The following CFAP251 variants were observed in gnomAD, a reference collection of about 807,000 sequenced individuals.
The protein encoded by CFAP251 is cilia and flagella associated protein 251.
Under a neutral mutation model 126.7 loss-of-function variants are expected in CFAP251, and 93 were observed. That is an observed-to-expected ratio of 0.73 (90% CI 0.62 to 0.87). The LOEUF (loss-of-function observed/expected upper bound fraction) is 0.87. Among genes scored for constraint, CFAP251 ranks in the 40% least tolerant of loss-of-function variants. The pLI, the probability that CFAP251 is intolerant of heterozygous loss-of-function variation, is 0.00. For synonymous variants in CFAP251, 503 were observed against 506.9 expected (o/e 0.99, Z 0.10); for missense variants, 1,287 against 1,389.2 (o/e 0.93, Z 1.17).
At chr12:121,956,015 C>T (rs185076299) in intron 10 of CFAP251, 129 of 152,262 alleles carry the variant, frequency 8.5e-4, no homozygotes, top group African/African-American at 3.1e-3. Context: ...CTCATTTAAC[C>T]ACTCTGCATA....
At position 121,993,795 on chromosome 12, in the gene CFAP251, T is replaced by TG. The variant is rs571268921; in HGVS notation, c.3007-5914dup. 9.7e-4 allele frequency among the ~76,000 whole-genome samples: 108 copies of TG among 110,970 alleles called. No homozygotes were observed. The East Asian group carries it at 0.025, about 26-fold the overall frequency. The allele number at this position is 110,970 out of a possible 152,430, so 72.8% of individuals were successfully genotyped here. A position where few individuals can be genotyped will look rare whatever the true frequency, so the allele number is the denominator to read the frequency against. On this transcript the variant is annotated intron_variant, in intron 19 of 21. Coordinates refer to ENST00000288912, the MANE Select transcript of CFAP251 (RefSeq NM_144668.6). ...GCCAGCACCCCGTCCGGGAGGGAGG[T>TG]GGGGGGGTCAGCCCCCCGCCCGGCC...
rs551950407 is a variant in CFAP251 at position 121,968,470 on chromosome 12, C to T, written c.2771+301C>T. On this transcript the variant is annotated intron_variant, in intron 17 of 21. Transcript: ENST00000288912. ...CCACACCTGCTAGAAAGATCTAGGC[C>T]GACCCTCCAAAGCATATACTACGGA... Among the ~76,000 whole-genome samples, 6 of 152,222 alleles carry T rather than the reference C, an allele frequency of 3.9e-5. No individual in the cohort carries two copies. The East Asian group carries it at 9.6e-4, about 24-fold the overall frequency.
intron 17 of CFAP251, chr12:121,969,269 G>C (rs967827775): frequency 4.8e-5 from 47 of 985,242 alleles, no homozygotes; most frequent in Non-Finnish European, 5.4e-5. Context: ...TTGGAACCAC[G>C]GTGGTTTGAG....
At chr12:121,948,159 C>T (rs1260231903) in intron 7 of CFAP251, 1 of 152,192 alleles carries the variant, frequency 6.6e-6, no homozygotes, top group African/African-American at 2.4e-5. Flanking sequence ...CTTTCCGTCA[C>T]TTCCATAGTT....
At chr12:121,969,532 C>CG (rs1205830072) in intron 17 of CFAP251, 1 of 970,376 alleles carries the variant, frequency 1.0e-6, no homozygotes, top group African/African-American at 1.8e-5. Flanking sequence ...GTCGCTCAGG[C>CG]TGTAGTACAG....
At chr12:121,928,602 C>T (rs1365863413) in intron 3 of CFAP251, among the ~76,000 whole-genome samples, 1 of 142,452 alleles carries the variant, frequency 7.0e-6, no homozygotes, top group African/African-American at 2.6e-5. Context: ...GATTACTTGA[C>T]CCTAGATAAT....
intron 14 of CFAP251, among the ~76,000 whole-genome samples, chr12:121,961,073 A>C (rs999293380): frequency 3.9e-5 from 6 of 152,132 alleles, no homozygotes; most frequent in Admixed American, 6.5e-5. Context: ...GCTGACACTC[A>C]CTAACACTGT....
At chr12:121,957,917 A>G (rs1337090170) in intron 11 of CFAP251, among the ~76,000 whole-genome samples, 1 of 152,052 alleles carries the variant, frequency 6.6e-6, no homozygotes, top group Non-Finnish European at 1.5e-5. Flanking sequence ...TCAAGACCGA[A>G]TTATCTGTGA....
At chr12:121,934,909 A>C (rs11043250) in intron 5 of CFAP251, among the ~76,000 whole-genome samples, 39,739 of 152,104 alleles carry the variant, frequency 0.26, 9,140 homozygotes, top group African/African-American at 0.62. Context: ...CAGGATCAAG[A>C]GATTCTCCTG....
chr12:121,960,232 AT>A lies in CFAP251; in HGVS notation c.2134-342del, dbSNP rs905984314. ...TATTTTTGAAAAAAATATTCTTAGT[AT>A]TTTTTTTTTTGATAGGGTCCTGCTC... On this transcript the variant is annotated intron_variant, in intron 13 of 21. Coordinates refer to ENST00000288912, the MANE Select transcript of CFAP251 (RefSeq NM_144668.6). Among the ~76,000 whole-genome samples, 483 of 149,276 alleles carry A rather than the reference AT, an allele frequency of 3.2e-3. 2 individuals carry two copies. Among genetic ancestry groups the A allele is most frequent in the African/African-American group, 9.4e-3 (384 of 40,838 alleles).
chr12:121,922,622 G>C (rs1220120626), intron 2 of CFAP251, among the ~76,000 whole-genome samples: 1 of 152,122 alleles, frequency 6.6e-6, no homozygotes, highest in East Asian at 1.9e-4. Context: ...CTCCCAGTAG[G>C]AGAACTTAGC....
intron 21 of CFAP251, among the ~76,000 whole-genome samples, chr12:122,002,779 C>T (rs970148649): frequency 6.6e-5 from 10 of 152,172 alleles, no homozygotes; most frequent in Non-Finnish European, 8.8e-5. Flanking sequence ...CTCACTGGTA[C>T]AGGAGCAACT....
At chr12:121,949,811 C>G (rs959786989) in intron 8 of CFAP251, 2 of 152,310 alleles carry the variant, frequency 1.3e-5, no homozygotes, top group African/African-American at 4.8e-5. Flanking sequence ...ATTGCTTGAG[C>G]CCAGGAGTTT....
chr12:121,954,676 TG>T lies in CFAP251; in HGVS notation c.1535+344del, dbSNP rs1881665450. On this transcript the variant is annotated intron_variant, in intron 10 of 21. Transcript: ENST00000288912. ...AAAAAAAAAAAAAAAAAACCTCTTT[TG>T]GATGTATATGCATATTTTGTATAGC... Among the ~76,000 whole-genome samples, 4 of 115,488 alleles carry T rather than the reference TG, an allele frequency of 3.5e-5. No homozygotes were observed. In the South Asian group the frequency reaches 1.1e-3, roughly 32 times the overall value. The allele number at this position is 115,488 out of a possible 152,430, so 75.8% of individuals were successfully genotyped here.
chr12:121,951,388 T>G, intron 8 of CFAP251, 92 bp from the exon 9 acceptor site: 1 of 806,016 alleles, frequency 1.2e-6, no homozygotes, highest in Non-Finnish European at 1.9e-6. Context: ...CTGACCTTGT[T>G]TAGATGTATT....
At chr12:121,945,825 C>G (rs1299202696) in intron 7 of CFAP251, among the ~76,000 whole-genome samples, 1 of 151,736 alleles carries the variant, frequency 6.6e-6, no homozygotes, top group East Asian at 1.9e-4. Flanking sequence ...ACCACCACGC[C>G]TGGCTAATTT....
At chr12:121,942,856 C>G in intron 6 of CFAP251, 39 bp from the exon 7 acceptor site, 1 of 1,608,910 alleles carries the variant, frequency 6.2e-7, no homozygotes, top group South Asian at 1.1e-5. Flanking sequence ...GCAGACTTCA[C>G]AGACCTTCTC....
intron 15 of CFAP251, 60 bp from the exon 16 acceptor site, chr12:121,966,895 T>C (rs1882161963): frequency 5.2e-6 from 8 of 1,543,402 alleles, no homozygotes; most frequent in South Asian, 1.1e-5. Context: ...GACCAAAGAA[T>C]CTTAAAACCT....
chr12:121,967,009 C>T lies in CFAP251; in HGVS notation c.2547C>T (p.Leu849=). 1 of 1,614,226 alleles carries T rather than the reference C, an allele frequency of 6.2e-7. No individual in the cohort carries two copies. Among genetic ancestry groups the T allele is most frequent in the South Asian group, 1.1e-5 (1 of 91,084 alleles). ...YGSPIEQTQV[L]PVRSMAELQK... ...CCCCTATTGAGCAGACACAAGTCCT[C>T]CCAGTGAGAAGCATGGCGGAGCTAC... is the stretch of plus-strand genomic sequence containing the variant. The change falls in exon 16 of 22, where the codon CTC becomes CTT. Residue 849 remains leucine (L), a synonymous_variant. Coordinates refer to ENST00000288912, the MANE Select transcript of CFAP251 (RefSeq NM_144668.6).
Sources: allele counts gnomAD v4.1 joint callset (sites outside exome capture counted in the v4.1 genomes callset), GRCh38; gene constraint gnomAD v4.1.1; transcripts MANE v1.5; gene names NCBI Gene and HGNC (gene_info 2026-07-23, HGNC 2026-07-21).